The following MARCHF1 variants were observed in gnomAD, a reference collection of about 807,000 sequenced individuals.
MARCHF1 encodes membrane associated ring-CH-type finger 1.
MARCHF1 carries 40 observed loss-of-function variants against 54.2 expected under a neutral mutation model. The ratio of observed to expected loss-of-function variants is 0.74; its 90% CI spans 0.57 to 0.96. The LOEUF is 0.96. Among genes scored for constraint, MARCHF1 ranks in the 40% least tolerant of loss-of-function variants. MARCHF1 has a pLI of 0.00. For synonymous variants in MARCHF1, 236 were observed against 236.3 expected, an observed-to-expected ratio of 1.00 and a Z score of 0.01; for missense variants, 586 against 656.5, an observed-to-expected ratio of 0.89 and a Z score of 1.17.
intron 5 of MARCHF1, among the ~76,000 whole-genome samples, chr4:163,691,434 T>C (rs1164376209): frequency 6.6e-6 from 1 of 152,068 alleles, no homozygotes; most frequent in Admixed American, 6.6e-5. Flanking sequence ...TACTAGGACA[T>C]CTCTTTCCCT....
chr4:163,639,815 C>G (rs959930613), intron 5 of MARCHF1, among the ~76,000 whole-genome samples: 1 of 152,072 alleles, frequency 6.6e-6, no homozygotes, highest in Admixed American at 6.6e-5. Context: ...CAGAGTGAGA[C>G]TGGTAGCTGT....
intron 3 of MARCHF1, among the ~76,000 whole-genome samples, chr4:163,889,495 G>A (rs1750607880): frequency 6.6e-6 from 1 of 151,906 alleles, no homozygotes; most frequent in African/African-American, 2.4e-5. Flanking sequence ...ATATTCTTTG[G>A]TATAGTCCCA....
chr4:163,927,105 G>A (rs948217265), intron 3 of MARCHF1, among the ~76,000 whole-genome samples: 6 of 151,646 alleles, frequency 4.0e-5, no homozygotes, highest in African/African-American at 1.4e-4. Flanking sequence ...TGTTGTATTT[G>A]AGACAGACTT....
intron 4 of MARCHF1, among the ~76,000 whole-genome samples, chr4:163,778,950 G>A (rs904228942): frequency 1.3e-5 from 2 of 152,048 alleles, no homozygotes; most frequent in South Asian, 2.1e-4. Context: ...TGCAAGCAAC[G>A]AAATTATGCT....
At chr4:164,189,615 G>A in intron 1 of MARCHF1, 3 of 915,426 alleles carry the variant, frequency 3.3e-6, no homozygotes, top group South Asian at 1.3e-5. Flanking sequence ...CAGGTGACCT[G>A]GTAGTGCTTG....
At chr4:163,601,809 C>T (rs1469766425) in intron 7 of MARCHF1, among the ~76,000 whole-genome samples, 1 of 151,736 alleles carries the variant, frequency 6.6e-6, no homozygotes, top group African/African-American at 2.4e-5. Flanking sequence ...AAAGGCACAA[C>T]TTGTTAAATA....
intron 4 of MARCHF1, among the ~76,000 whole-genome samples, chr4:163,763,352 ATTAACCC>A (rs1359810072): frequency 6.6e-6 from 1 of 152,094 alleles, no homozygotes. Flanking sequence ...CAAGGATTGA[ATTAACCC>A]TCCCCTGATT....
At chr4:163,659,886 A>G (rs1743284689) in intron 5 of MARCHF1, among the ~76,000 whole-genome samples, 1 of 152,116 alleles carries the variant, frequency 6.6e-6, no homozygotes, top group East Asian at 1.9e-4. Flanking sequence ...CGACTATTAA[A>G]AAGTTGGGAA....
intron 3 of MARCHF1, among the ~76,000 whole-genome samples, chr4:163,919,339 C>G (rs1033998331): frequency 6.6e-6 from 1 of 151,538 alleles, no homozygotes; most frequent in Non-Finnish European, 1.5e-5. Context: ...AATAACACAA[C>G]AGGAAAATGA....
At chr4:164,239,560 T>C (rs866951533) in intron 1 of MARCHF1, among the ~76,000 whole-genome samples, 2 of 152,142 alleles carry the variant, frequency 1.3e-5, no homozygotes, top group Non-Finnish European at 2.9e-5. Flanking sequence ...GATTATACAG[T>C]ATTCAGATTG....
chr4:164,250,308 GTAGA>G (rs1390382829), intron 1 of MARCHF1, among the ~76,000 whole-genome samples: 1 of 152,096 alleles, frequency 6.6e-6, no homozygotes, highest in East Asian at 1.9e-4. Context: ...ATTTTTCAGT[GTAGA>G]TATTCAAATT....
chr4:164,053,296 C>T (rs190654053), intron 2 of MARCHF1, among the ~76,000 whole-genome samples: 2 of 152,086 alleles, frequency 1.3e-5, no homozygotes, highest in Non-Finnish European at 2.9e-5. Flanking sequence ...ATGAAATGAC[C>T]GATATTTGGG....
chr4:164,139,523 A>C (rs1338828220), intron 1 of MARCHF1, among the ~76,000 whole-genome samples: 1 of 151,112 alleles, frequency 6.6e-6, no homozygotes, highest in Non-Finnish European at 1.5e-5. Context: ...AAGGAGAAAG[A>C]GGGAGAAAGA....
At chr4:164,160,428 T>C (rs1270024483) in intron 1 of MARCHF1, among the ~76,000 whole-genome samples, 1 of 152,202 alleles carries the variant, frequency 6.6e-6, no homozygotes, top group Non-Finnish European at 1.5e-5. Context: ...AAAAATATGG[T>C]ATTATAATTT....
chr4:163,789,028 ATGG>A (rs1209653515), intron 4 of MARCHF1, among the ~76,000 whole-genome samples: 1 of 151,704 alleles, frequency 6.6e-6, no homozygotes, highest in Non-Finnish European at 1.5e-5. Flanking sequence ...AGATGTTCTA[ATGG>A]TGATTTTTGT....
At chr4:164,041,299 T>C (rs1754123778) in intron 2 of MARCHF1, among the ~76,000 whole-genome samples, 1 of 152,122 alleles carries the variant, frequency 6.6e-6, no homozygotes, top group Non-Finnish European at 1.5e-5. Flanking sequence ...CCAATATCTA[T>C]CAGAAATATC....
At chr4:164,130,939 C>A (rs1395291479) in intron 1 of MARCHF1, among the ~76,000 whole-genome samples, 1 of 152,144 alleles carries the variant, frequency 6.6e-6, no homozygotes, top group East Asian at 1.9e-4. Context: ...TACGAGACAT[C>A]TTTTACATTG....
intron 4 of MARCHF1, among the ~76,000 whole-genome samples, chr4:163,807,886 T>TA (rs1413637742): frequency 1.3e-5 from 2 of 152,168 alleles, no homozygotes; most frequent in African/African-American, 4.8e-5. Flanking sequence ...TTACCTTTAT[T>TA]ATAAAATTGT....
intron 2 of MARCHF1, among the ~76,000 whole-genome samples, chr4:163,999,627 G>A (rs1579450277): frequency 1.3e-5 from 2 of 151,426 alleles, no homozygotes; most frequent in East Asian, 3.9e-4. Flanking sequence ...TTTTCATAAT[G>A]GGAGTGTTAC....
Sources: gnomAD v4.1 joint callset for allele counts (sites outside exome capture counted in the v4.1 genomes callset) on GRCh38, gnomAD v4.1.1 for gene constraint, MANE v1.5 for transcripts, NCBI Gene and HGNC (gene_info 2026-07-23, HGNC 2026-07-21) for gene names.